Variants in C1QTNF1 observed in about 807,000 individuals in gnomAD.
C1QTNF1 encodes complement C1q tumor necrosis factor-related protein 1.
A neutral mutation model predicts 27.8 loss-of-function variants in C1QTNF1; 22 were observed. That is an observed-to-expected ratio of 0.79 (90% CI 0.56 to 1.13). C1QTNF1 has a LOEUF of 1.13. Among genes scored for constraint, C1QTNF1 ranks in the 50% most tolerant of loss-of-function variants. C1QTNF1 has a pLI of 0.00. For synonymous variants in C1QTNF1, 166 were observed against 154.3 expected, an observed-to-expected ratio of 1.08 and a Z score of -0.56; for missense variants, 373 against 380.2, an observed-to-expected ratio of 0.98 and a Z score of 0.16.
Position 79,025,989 on chromosome 17 carries a change from T to C in C1QTNF1, c.-15+1495T>C, listed in dbSNP as rs143618101. On this transcript the variant is annotated intron_variant, in intron 1 of 3. Transcript: ENST00000579760. ...GCGCTCAACATTATATTAATAATTA[T>C]AATAATTATTATAATAGTTAATTCT... 1.3e-3 allele frequency: 374 copies of C among 288,432 alleles called. 11 individuals are homozygous for C. The highest frequency in any genetic ancestry group is 7.1e-3 in the African/African-American group (313 of 44,302). 17.9% of individuals were successfully genotyped at this position (288,432 alleles called of 1,614,324 possible). A position where few individuals can be genotyped will look rare whatever the true frequency, so the allele number is the denominator to read the frequency against.
intron 1 of C1QTNF1, among the ~76,000 whole-genome samples, chr17:79,037,539 C>T (rs1568065176): frequency 6.6e-6 from 1 of 152,190 alleles, no homozygotes; most frequent in Non-Finnish European, 1.5e-5. Context: ...GCTGGGATTA[C>T]AGGCGTGAGC....
chr17:79,038,122 TG>T (rs1433399264), intron 1 of C1QTNF1, among the ~76,000 whole-genome samples: 1 of 152,018 alleles, frequency 6.6e-6, no homozygotes, highest in African/African-American at 2.4e-5. Context: ...CCCGAGTAGC[TG>T]GGACTACAGG....
In C1QTNF1 at chr17:79,046,789, G is replaced by C. The variant is rs1419828532; in HGVS notation, c.295+95G>C. ...GTCGTTAGGGTGGGGCTAGGCGAGA[G>C]CAGAATGGCTCCCTCGGGACAGGGA... is the stretch of plus-strand genomic sequence containing the variant. On this transcript the variant is annotated intron_variant, in intron 3 of 3. Coordinates refer to ENST00000579760, the MANE Select transcript of C1QTNF1 (RefSeq NM_030968.5). The surrounding 1 kb of genome is among the most constrained non-coding windows in gnomAD (Gnocchi z 4.8). 2 of 1,498,468 alleles carry C rather than the reference G, an allele frequency of 1.3e-6. No homozygotes were observed. The highest frequency in any genetic ancestry group is 2.8e-5 in the African/African-American group (2 of 72,332). The allele number at this position is 1,498,468 out of a possible 1,614,324, so 92.8% of individuals were successfully genotyped here. A position where few individuals can be genotyped will look rare whatever the true frequency, so the allele number is the denominator to read the frequency against.
At chr17:79,026,582 G>T (rs146867111) in intron 1 of C1QTNF1, among the ~76,000 whole-genome samples, 4 of 152,330 alleles carry the variant, frequency 2.6e-5, no homozygotes, top group African/African-American at 7.2e-5. Context: ...AAGGACACAG[G>T]TCCGCTACCC....
chr17:79,032,525 T>G (rs759691187), intron 1 of C1QTNF1, among the ~76,000 whole-genome samples: 1 of 151,872 alleles, frequency 6.6e-6, no homozygotes, highest in Non-Finnish European at 1.5e-5. Context: ...GGGAGACAGA[T>G]GGGAGGCAGA....
chr17:79,025,623 C>G (rs2071929217), intron 1 of C1QTNF1: 1 of 157,234 alleles, frequency 6.4e-6, no homozygotes, highest in Admixed American at 6.3e-5. Context: ...AGTACACACT[C>G]CCTGGCAGGC....
rs1022845624 is a variant in C1QTNF1 at position 79,046,126 on chromosome 17, G to T, written c.156-429G>T. The stretch of plus-strand genomic sequence containing the variant: ...TTGGAAACATAAGAGTCTCTCCAGC[G>T]GCTACAGCTGAGGGGAATCCTAAAG... On this transcript the variant is annotated intron_variant, in intron 2 of 3. Transcript: ENST00000579760. This position sits in a 1 kb window ranked among gnomAD's most constrained non-coding sequence, Gnocchi z 4.8. Among the ~76,000 whole-genome samples the T allele has an allele frequency of 2.6e-5, 4 of 152,192 alleles. No individual in the cohort carries two copies. The highest frequency in any genetic ancestry group is 4.8e-5 in the African/African-American group (2 of 41,436).
At chr17:79,030,522 TTTCTTTC>T (rs2072110902) in intron 1 of C1QTNF1, among the ~76,000 whole-genome samples, 1 of 143,102 alleles carries the variant, frequency 7.0e-6, no homozygotes, top group Non-Finnish European at 1.5e-5. Flanking sequence ...TCTTTCTTTC[TTTCTTTC>T]TTCTTTCTTT....
intron 1 of C1QTNF1, among the ~76,000 whole-genome samples, chr17:79,026,508 C>G (rs1223996045): frequency 1.3e-5 from 2 of 152,210 alleles, no homozygotes; most frequent in Admixed American, 1.3e-4. Context: ...TGGCACTCAG[C>G]TCGCCAAGCT....
chr17:79,028,214 T>C (rs943944981), intron 1 of C1QTNF1, among the ~76,000 whole-genome samples: 4 of 152,186 alleles, frequency 2.6e-5, no homozygotes, highest in Admixed American at 1.3e-4. Flanking sequence ...CTTGGTGCCC[T>C]GTGCTGGGTC....
chr17:79,025,671 C>G (rs1365140166), intron 1 of C1QTNF1: 1 of 169,788 alleles, frequency 5.9e-6, no homozygotes, highest in Non-Finnish European at 1.3e-5. Context: ...ACGCACTTGG[C>G]TGTGGTGTGT....
intron 1 of C1QTNF1, among the ~76,000 whole-genome samples, chr17:79,036,640 T>C (rs2072270429): frequency 6.6e-6 from 1 of 152,256 alleles, no homozygotes; most frequent in Admixed American, 6.5e-5. Context: ...AGCATTTTAA[T>C]TCAACATGTG....
At chr17:79,043,808 G>C (rs777224877) in intron 1 of C1QTNF1, 147 bp from the exon 2 acceptor site, 1 of 828,710 alleles carries the variant, frequency 1.2e-6, no homozygotes. Flanking sequence ...CCTCCCAGAA[G>C]CTGTGTAACT....
chr17:79,045,221 G>C (rs1360458086), intron 2 of C1QTNF1, among the ~76,000 whole-genome samples: 2 of 152,158 alleles, frequency 1.3e-5, no homozygotes, highest in African/African-American at 4.8e-5. Context: ...GCCAGAATGG[G>C]GTGTGCAAAG....
chr17:79,043,726 T>C (rs762546801), intron 1 of C1QTNF1: 2 of 639,740 alleles, frequency 3.1e-6, no homozygotes, highest in South Asian at 3.0e-5. Context: ...TGAATGTGTG[T>C]GCATGTGCGT....
chr17:79,030,490 TTTCTTTC>T (rs1462521703), intron 1 of C1QTNF1, among the ~76,000 whole-genome samples: 25 of 64,498 alleles, frequency 3.9e-4, no homozygotes. Flanking sequence ...TTTCTTTTTC[TTTCTTTC>T]TTTCTTTCTT....
chr17:79,032,114 G>A (rs544154673), intron 1 of C1QTNF1, among the ~76,000 whole-genome samples: 1 of 152,326 alleles, frequency 6.6e-6, no homozygotes, highest in African/African-American at 2.4e-5. Flanking sequence ...CCATTTCCCA[G>A]GGGCTTGGAG....
At chr17:79,034,804 G>T (rs754597768) in intron 1 of C1QTNF1, among the ~76,000 whole-genome samples, 12 of 152,156 alleles carry the variant, frequency 7.9e-5, no homozygotes, top group Non-Finnish European at 1.3e-4. Context: ...CAGCTTTTTG[G>T]AAACAGGAGA....
intron 1 of C1QTNF1, among the ~76,000 whole-genome samples, chr17:79,030,219 CAG>C (rs965060824): frequency 2.0e-5 from 3 of 152,176 alleles, no homozygotes; most frequent in South Asian, 4.1e-4. Context: ...GGGAAAGAAA[CAG>C]AGAGGCCAAA....
Sources: gnomAD v4.1 joint callset for allele counts (sites outside exome capture counted in the v4.1 genomes callset) on GRCh38, gnomAD v4.1.1 for gene constraint, Gnocchi (gnomAD v3.1) non-coding constraint, MANE v1.5 for transcripts, NCBI Gene and HGNC (gene_info 2026-07-23, HGNC 2026-07-21) for gene names.